Variants in SP100 observed in about 807,000 individuals in gnomAD.
The protein encoded by SP100 is nuclear autoantigen Sp-100.
SP100 carries 84 observed loss-of-function variants against 130.0 expected under a neutral mutation model. The observed-to-expected ratio is 0.65, with a 90% CI of 0.54 to 0.77. The LOEUF is 0.77. Ranked by LOEUF, SP100 falls within the 30% of genes least tolerant of loss-of-function variation. SP100 has a pLI of 0.00. For synonymous variants in SP100, 331 were observed against 351.7 expected (o/e 0.94, Z 0.66); for missense variants, 978 against 1,052.2 (o/e 0.93, Z 0.97).
In SP100 at chr2:230,453,347, G is replaced by C. The variant is rs559447673; in HGVS notation, c.820+3092G>C. On this transcript the variant is annotated intron_variant, in intron 8 of 28. Transcript: ENST00000340126. ...GGAACTACAATTCAAGATGAGTTTG[G>C]GTGGGGACACAGCAAGACCATATCA... Among the ~76,000 whole-genome samples the C allele has an allele frequency of 1.4e-4, 21 of 152,232 alleles. No homozygotes were observed. In the East Asian group the frequency reaches 2.5e-3, roughly 18 times the overall value.
intron 22 of SP100, among the ~76,000 whole-genome samples, chr2:230,507,704 T>C (rs570601014): frequency 9.1e-4 from 138 of 152,246 alleles, no homozygotes; most frequent in African/African-American, 2.8e-3. Flanking sequence ...ATTCTACATA[T>C]ATAGAAAGGA....
intron 17 of SP100, among the ~76,000 whole-genome samples, chr2:230,490,921 G>A (rs1486149284): frequency 6.6e-6 from 1 of 151,664 alleles, no homozygotes; most frequent in Non-Finnish European, 1.5e-5. Flanking sequence ...TCCTTCATTT[G>A]GACCTTGGAG....
chr2:230,416,735 C>G (rs950050990), intron 1 of SP100: 16 of 990,694 alleles, frequency 1.6e-5, no homozygotes, highest in Non-Finnish European at 1.8e-5. Context: ...AGGGTAAACA[C>G]CTGGCTTACT....
chr2:230,426,541 C>T (rs182940391), intron 2 of SP100, among the ~76,000 whole-genome samples: 1 of 152,240 alleles, frequency 6.6e-6, no homozygotes, highest in African/African-American at 2.4e-5. Context: ...ATATTCCGTA[C>T]AGAAGTTATG....
chr2:230,496,575 C>A (rs2066677350), intron 18 of SP100, among the ~76,000 whole-genome samples: 1 of 152,024 alleles, frequency 6.6e-6, no homozygotes. Context: ...AAGGGAATAG[C>A]AAAAACTGCA....
intron 2 of SP100, among the ~76,000 whole-genome samples, chr2:230,434,635 T>C (rs2063194540): frequency 6.6e-6 from 1 of 150,700 alleles, no homozygotes; most frequent in Non-Finnish European, 1.5e-5. Context: ...AGCTTGGGAG[T>C]GTGGGGGCAG....
chr2:230,431,388 C>T (rs2063095210), intron 2 of SP100, among the ~76,000 whole-genome samples: 1 of 152,198 alleles, frequency 6.6e-6, no homozygotes, highest in African/African-American at 2.4e-5. Context: ...TGGTGTGGTG[C>T]TGTGCCAGCC....
chr2:230,512,034 T>C (rs1008323887), intron 24 of SP100, among the ~76,000 whole-genome samples: 1 of 151,856 alleles, frequency 6.6e-6, no homozygotes, highest in African/African-American at 2.4e-5. Context: ...ATCAGCTAAT[T>C]TTTTTAATTT....
chr2:230,513,779 G>A lies in SP100; in HGVS notation c.2094+2613G>A, dbSNP rs569454044. 7.2e-5 allele frequency among the ~76,000 whole-genome samples: 11 copies of A among 152,338 alleles called. No individual in the cohort carries two copies. The South Asian group carries it at 1.2e-3, about 17-fold the overall frequency. On this transcript the variant is annotated intron_variant, in intron 24 of 28. Coordinates refer to ENST00000340126, the MANE Select transcript of SP100 (RefSeq NM_001080391.2). ...AGTATTTTGGCCTTAGCCATGGATC[G>A]AAAGCAAGCACAATGCAAATCATGA...
At chr2:230,516,183 A>G (rs1690907479) in intron 24 of SP100, 1 of 490,612 alleles carries the variant, frequency 2.0e-6, no homozygotes, top group Admixed American at 6.4e-5. Flanking sequence ...CCTCAAAACA[A>G]TCTTGTCATA....
intron 5 of SP100, 37 bp downstream of exon 5, chr2:230,446,939 G>T (rs1317365277): frequency 5.5e-6 from 7 of 1,277,412 alleles, no homozygotes; most frequent in Non-Finnish European, 7.9e-6. Context: ...TTCTAAGAGA[G>T]GTTAGGGATC....
Position 230,498,103 on chromosome 2 carries a change from G to C in SP100, c.1646-358G>C, listed in dbSNP as rs147404739. On this transcript the variant is annotated intron_variant, in intron 18 of 28. Transcript: ENST00000340126. ...TCTCTATCTCATAAATGAATTAGTAGATGTAAATATCTTGTGTTAGTGTCT... is the reference window on the plus strand; with the variant it reads ...TCTCTATCTCATAAATGAATTAGTACATGTAAATATCTTGTGTTAGTGTCT... Among the ~76,000 whole-genome samples the C allele has an allele frequency of 7.7e-3, 1,179 of 152,286 alleles. 12 individuals carry two copies. The highest frequency in any genetic ancestry group is 9.3e-3 in the Non-Finnish European group (635 of 68,034).
intron 2 of SP100, among the ~76,000 whole-genome samples, chr2:230,423,722 T>A (rs1427929524): frequency 6.6e-6 from 1 of 152,264 alleles, no homozygotes; most frequent in Non-Finnish European, 1.5e-5. Context: ...TTGGATTTTA[T>A]TTCTTAGCCA....
intron 2 of SP100, among the ~76,000 whole-genome samples, chr2:230,435,630 C>T (rs954370871): frequency 6.6e-6 from 1 of 152,058 alleles, no homozygotes; most frequent in African/African-American, 2.4e-5. Context: ...CAAAAGTGTG[C>T]CATGGTGATT....
chr2:230,519,031 G>A (rs1691048753), intron 24 of SP100, among the ~76,000 whole-genome samples: 1 of 152,128 alleles, frequency 6.6e-6, no homozygotes, highest in Non-Finnish European at 1.5e-5. Flanking sequence ...AAGGAGAATT[G>A]AATTAAATTG....
intron 6 of SP100, 54 bp downstream of exon 6, chr2:230,449,204 A>G (rs1310275943): frequency 9.5e-6 from 15 of 1,581,840 alleles, no homozygotes; most frequent in African/African-American, 1.3e-5. Context: ...CCCTTTCTGG[A>G]ATGTGCTGTG....
At chr2:230,464,283 T>C (rs1317969280) in intron 11 of SP100, 133 bp downstream of exon 11, 4 of 630,206 alleles carry the variant, frequency 6.3e-6, no homozygotes, top group Non-Finnish European at 1.2e-5. Flanking sequence ...AATATCACTT[T>C]CTACATTTAA....
intron 8 of SP100, among the ~76,000 whole-genome samples, chr2:230,453,040 T>C (rs1241525404): frequency 6.6e-6 from 1 of 152,156 alleles, no homozygotes; most frequent in Non-Finnish European, 1.5e-5. Context: ...AATAAAAGAC[T>C]GGATAATTTA....
At chr2:230,481,874 C>T (rs1469275927) in intron 17 of SP100, among the ~76,000 whole-genome samples, 2 of 152,164 alleles carry the variant, frequency 1.3e-5, no homozygotes, top group Non-Finnish European at 2.9e-5. Flanking sequence ...ACATAAGATG[C>T]TTTTACCTGG....
Sources: allele counts gnomAD v4.1 joint callset (sites outside exome capture counted in the v4.1 genomes callset), GRCh38; gene constraint gnomAD v4.1.1; transcripts MANE v1.5; gene names NCBI Gene and HGNC (gene_info 2026-07-23, HGNC 2026-07-21).